Variants in HPD observed in about 807,000 individuals in gnomAD.
The protein encoded by HPD is 4-hydroxyphenylpyruvic acid oxidase.
A neutral mutation model predicts 56.9 loss-of-function variants in HPD; 35 were observed. The ratio of observed to expected loss-of-function variants is 0.62; its 90% CI spans 0.47 to 0.82. The LOEUF is 0.82. Ranked by LOEUF, HPD falls within the 40% of genes least tolerant of loss-of-function variation. The pLI, the probability that HPD is intolerant of heterozygous loss-of-function variation, is 0.00. For missense variants in HPD, 442 were observed against 506.8 expected (o/e 0.87, Z 1.23); for synonymous variants, 186 against 200.2 (o/e 0.93, Z 0.60).
At chr12:121,849,339 T>C (rs1017939454) in intron 8 of HPD, among the ~76,000 whole-genome samples, 1 of 152,120 alleles carries the variant, frequency 6.6e-6, no homozygotes, top group Non-Finnish European at 1.5e-5. Flanking sequence ...CTCACACTTA[T>C]GTAGCATTTA....
chr12:121,875,256 G>GA, the HPD span, among the ~76,000 whole-genome samples: 24 of 152,162 alleles, frequency 1.6e-4, no homozygotes, highest in African/African-American at 5.8e-4. Flanking sequence ...GTCAATGAGG[G>GA]AAAAAACAGA....
intron 2 of HPD, among the ~76,000 whole-genome samples, chr12:121,858,433 C>T (rs1344379834): frequency 6.6e-6 from 1 of 152,162 alleles, no homozygotes; most frequent in Non-Finnish European, 1.5e-5. Flanking sequence ...ATTTGCCTGC[C>T]TTGGCCTCCC....
chr12:121,859,106 G>T (rs143892635), upstream of HPD: 3 of 522,860 alleles, frequency 5.7e-6, no homozygotes, highest in Admixed American at 3.2e-5. Flanking sequence ...TTTCCAGGAC[G>T]CTGGGAATGT....
At chr12:121,877,734 AAAT>A in the HPD span, among the ~76,000 whole-genome samples, 6 of 152,078 alleles carry the variant, frequency 3.9e-5, no homozygotes, top group South Asian at 1.0e-3. Context: ...CTCTGTCTCA[AAAT>A]AATAATAATA....
chr12:121,848,965 A>G, intron 9 of HPD, 34 bp downstream of exon 9: 2 of 1,525,522 alleles, frequency 1.3e-6, no homozygotes, highest in Non-Finnish European at 1.8e-6. Flanking sequence ...AGGACCCGTC[A>G]TCTTCACGCA....
At chr12:121,841,796 G>A (rs1339244433) in intron 12 of HPD, among the ~76,000 whole-genome samples, 5 of 151,548 alleles carry the variant, frequency 3.3e-5, no homozygotes, top group African/African-American at 9.7e-5. Flanking sequence ...GCAATTCTCC[G>A]GCCTCAGGCT....
chr12:121,867,027 C>G (rs995424697), upstream of HPD, among the ~76,000 whole-genome samples: 2 of 152,118 alleles, frequency 1.3e-5, no homozygotes, highest in African/African-American at 4.8e-5. Context: ...CAGTATGTAG[C>G]CTTTTCAGTC....
chr12:121,883,180 TTGTGTGTGTGTGTGTGTG>T, the HPD span, among the ~76,000 whole-genome samples: 3,668 of 115,462 alleles, frequency 0.032, 165 homozygotes, highest in African/African-American at 0.11. Flanking sequence ...GGAGCATAAG[TTGTGTGTGTGTGTGTGTG>T]TGTGTGTGTG....
chr12:121,880,744 G>T, the HPD span, among the ~76,000 whole-genome samples: 1 of 151,914 alleles, frequency 6.6e-6, no homozygotes, highest in Admixed American at 6.6e-5. Flanking sequence ...CTCCTGCATT[G>T]GCCTTCCAAC....
intron 7 of HPD, among the ~76,000 whole-genome samples, chr12:121,850,687 C>G (rs1354583120): frequency 1.4e-5 from 2 of 139,490 alleles, no homozygotes; most frequent in Non-Finnish European, 3.1e-5. Flanking sequence ...GCCACTGTAC[C>G]TAGCCTTTTT....
chr12:121,874,744 C>G, the HPD span, among the ~76,000 whole-genome samples: 1 of 151,044 alleles, frequency 6.6e-6, no homozygotes, highest in Non-Finnish European at 1.5e-5. Context: ...CCTGAAACAT[C>G]TGAACTTTCT....
chr12:121,860,623 T>C (rs931435419), upstream of HPD, among the ~76,000 whole-genome samples: 1 of 152,152 alleles, frequency 6.6e-6, no homozygotes, highest in Non-Finnish European at 1.5e-5. Context: ...AGTGGCTGGG[T>C]GTGACTGTCT....
the HPD span, among the ~76,000 whole-genome samples, chr12:121,886,162 G>A: frequency 6.8e-6 from 1 of 146,470 alleles, no homozygotes; most frequent in Non-Finnish European, 1.5e-5. Flanking sequence ...GGGCTGGAGT[G>A]CAGTGGCACG....
chr12:121,878,963 C>G, the HPD span, among the ~76,000 whole-genome samples: 1 of 152,004 alleles, frequency 6.6e-6, no homozygotes, highest in African/African-American at 2.4e-5. Flanking sequence ...ATGTGAGCCA[C>G]CATGACTGAC....
the HPD span, among the ~76,000 whole-genome samples, chr12:121,878,676 C>CT: frequency 0.12 from 16,546 of 135,400 alleles, 1,282 homozygotes; most frequent in African/African-American, 0.22. Flanking sequence ...GTTTTTCGTT[C>CT]TTTTTTTTTT....
the HPD span, among the ~76,000 whole-genome samples, chr12:121,879,472 T>TTTCTCTTCTCTTCTC: frequency 8.9e-4 from 29 of 32,620 alleles, no homozygotes; most frequent in African/African-American, 3.7e-3. Context: ...TTTCTTTCCT[T>TTTCTCTTCTCTTCTC]TTCTCTTCTG....
At chr12:121,871,680 G>A in the HPD span, among the ~76,000 whole-genome samples, 1 of 152,162 alleles carries the variant, frequency 6.6e-6, no homozygotes, top group African/African-American at 2.4e-5. Context: ...GAGCTTTGTG[G>A]TGACAGGAAG....
At chr12:121,885,636 C>T in the HPD span, among the ~76,000 whole-genome samples, 1 of 151,886 alleles carries the variant, frequency 6.6e-6, no homozygotes, top group Admixed American at 6.6e-5. Flanking sequence ...TTTCAGATAT[C>T]AAGGGTGGGA....
At chr12:121,848,293 T>G (rs907627439) in intron 9 of HPD, among the ~76,000 whole-genome samples, 1 of 152,080 alleles carries the variant, frequency 6.6e-6, no homozygotes, top group African/African-American at 2.4e-5. Context: ...TTTTCCACTT[T>G]TATTTTATTT....
Sources: gnomAD v4.1 joint callset for allele counts (sites outside exome capture counted in the v4.1 genomes callset) on GRCh38, gnomAD v4.1.1 for gene constraint, MANE v1.5 for transcripts, NCBI Gene and HGNC (gene_info 2026-07-23, HGNC 2026-07-21) for gene names.